ERBB4: variants seen among roughly 807,000 people sequenced by gnomAD.
The protein encoded by ERBB4 is erb-b2 receptor tyrosine kinase 4, also known as receptor tyrosine-protein kinase erbB-4.
Under a neutral mutation model 158.0 loss-of-function variants are expected in ERBB4, and 42 were observed. That is an observed-to-expected ratio of 0.27 (90% CI 0.21 to 0.34). The LOEUF is 0.34. ERBB4 is among the 10% of genes least tolerant of loss of function. The pLI is 1.00. For synonymous variants in ERBB4, 583 were observed against 558.7 expected (o/e 1.04, Z -0.61); for missense variants, 1,333 against 1,624.1 (o/e 0.82, Z 3.08).
chr2:212,056,207 G>C (rs1464379082), intron 2 of ERBB4, among the ~76,000 whole-genome samples: 2 of 152,190 alleles, frequency 1.3e-5, no homozygotes, highest in Non-Finnish European at 2.9e-5. Flanking sequence ...ATGAAATGAA[G>C]TGAGAAGAGA....
At chr2:212,267,496 T>G (rs887281303) in intron 1 of ERBB4, among the ~76,000 whole-genome samples, 4 of 151,902 alleles carry the variant, frequency 2.6e-5, no homozygotes, top group Non-Finnish European at 4.4e-5. Flanking sequence ...TTCAGGTGAC[T>G]GCTTTAGTAG....
intron 19 of ERBB4, among the ~76,000 whole-genome samples, chr2:211,563,079 T>C (rs964321693): frequency 1.3e-5 from 2 of 152,162 alleles, no homozygotes; most frequent in Non-Finnish European, 2.9e-5. Context: ...AACTGAGTTA[T>C]AATTTTGCAT....
At chr2:212,172,233 G>A (rs575220129) in intron 1 of ERBB4, among the ~76,000 whole-genome samples, 62 of 152,218 alleles carry the variant, frequency 4.1e-4, no homozygotes, top group African/African-American at 1.4e-3. Context: ...ATACCAGTCA[G>A]AATGGCCATT....
chr2:212,206,796 G>T (rs1016063171), intron 1 of ERBB4, among the ~76,000 whole-genome samples: 1 of 151,720 alleles, frequency 6.6e-6, no homozygotes, highest in Non-Finnish European at 1.5e-5. Context: ...CACCGTGTTA[G>T]CCAGGATGGT....
intron 3 of ERBB4, among the ~76,000 whole-genome samples, chr2:211,888,305 T>C (rs937864991): frequency 6.6e-6 from 1 of 151,984 alleles, no homozygotes; most frequent in Non-Finnish European, 1.5e-5. Context: ...GAAAATATGG[T>C]ACATTAGCAT....
At chr2:212,115,942 T>C (rs1450807570) in intron 2 of ERBB4, among the ~76,000 whole-genome samples, 1 of 152,182 alleles carries the variant, frequency 6.6e-6, no homozygotes, top group Non-Finnish European at 1.5e-5. Context: ...AATAAATTAA[T>C]TTTTAATTTA....
chr2:212,535,124 T>G (rs1692974021), intron 1 of ERBB4, among the ~76,000 whole-genome samples: 1 of 152,182 alleles, frequency 6.6e-6, no homozygotes, highest in Non-Finnish European at 1.5e-5. Context: ...TGGAGTCATT[T>G]CATCACAACA....
chr2:211,706,939 T>C (rs547230513), intron 9 of ERBB4, among the ~76,000 whole-genome samples: 2 of 152,302 alleles, frequency 1.3e-5, no homozygotes, highest in East Asian at 3.9e-4. Flanking sequence ...GTGTATCATG[T>C]AGGAAAACTC....
intron 25 of ERBB4, among the ~76,000 whole-genome samples, chr2:211,394,551 C>T (rs964489190): frequency 1.3e-5 from 2 of 152,110 alleles, no homozygotes; most frequent in Admixed American, 1.3e-4. Context: ...TAATTCTTTT[C>T]AGTTAGAGAG....
rs190194209 is a variant in ERBB4 at position 211,507,548 on chromosome 2, T to C, written c.2487+54355A>G. 1.7e-4 allele frequency among the ~76,000 whole-genome samples: 26 copies of C among 152,082 alleles called. 1 individual carries two copies. The East Asian group carries it at 4.1e-3, about 24-fold the overall frequency. On this transcript the variant is annotated intron_variant, in intron 20 of 27. Coordinates refer to ENST00000342788, the MANE Select transcript of ERBB4 (RefSeq NM_005235.3). ...AGCATGGTACAGGAAGAAAAACAGA[T>C]ACATAGACCAGTTAAACAGAATAGA...
intron 3 of ERBB4, among the ~76,000 whole-genome samples, chr2:211,916,728 T>C (rs968138028): frequency 3.3e-5 from 5 of 152,168 alleles, no homozygotes; most frequent in Non-Finnish European, 7.4e-5. Context: ...TGAATTTGTG[T>C]AGCCATTTTG....
chr2:212,223,373 G>T (rs2083367207), intron 1 of ERBB4, among the ~76,000 whole-genome samples: 1 of 145,474 alleles, frequency 6.9e-6, no homozygotes, highest in Non-Finnish European at 1.5e-5. Flanking sequence ...CAGCAAGATA[G>T]ATATATACCT....
intron 4 of ERBB4, among the ~76,000 whole-genome samples, chr2:211,767,356 T>C (rs1055100979): frequency 6.6e-6 from 1 of 152,162 alleles, no homozygotes; most frequent in Non-Finnish European, 1.5e-5. Flanking sequence ...ACACCAAATA[T>C]ACAATCAGGG....
chr2:212,214,275 G>A (rs573813673), intron 1 of ERBB4, among the ~76,000 whole-genome samples: 2 of 151,816 alleles, frequency 1.3e-5, no homozygotes, highest in East Asian at 3.9e-4. Context: ...GGCACCTGTG[G>A]CTCTCGCATG....
intron 1 of ERBB4, among the ~76,000 whole-genome samples, chr2:212,473,083 G>C (rs1444716114): frequency 1.3e-5 from 2 of 151,852 alleles, no homozygotes; most frequent in Non-Finnish European, 2.9e-5. Context: ...AAACCAGGTA[G>C]AGAGAAAAAA....
At chr2:211,964,021 T>C (rs549059627) in intron 2 of ERBB4, among the ~76,000 whole-genome samples, 3 of 152,146 alleles carry the variant, frequency 2.0e-5, no homozygotes, top group Non-Finnish European at 4.4e-5. Flanking sequence ...TGATGAACTC[T>C]TTAGTTATTG....
intron 3 of ERBB4, among the ~76,000 whole-genome samples, chr2:211,803,813 T>C (rs1474359533): frequency 6.6e-6 from 1 of 152,192 alleles, no homozygotes; most frequent in Admixed American, 6.5e-5. Flanking sequence ...GACTGAGATA[T>C]GCTCTCATGG....
At chr2:212,224,900 GA>G (rs1164254157) in intron 1 of ERBB4, among the ~76,000 whole-genome samples, 1 of 151,948 alleles carries the variant, frequency 6.6e-6, no homozygotes, top group Non-Finnish European at 1.5e-5. Flanking sequence ...TACATTTTAT[GA>G]AAATATAAAA....
At chr2:211,870,161 T>C (rs898388695) in intron 3 of ERBB4, among the ~76,000 whole-genome samples, 2 of 152,166 alleles carry the variant, frequency 1.3e-5, no homozygotes, top group African/African-American at 4.8e-5. Context: ...TTGTTCCATT[T>C]AGCATTCCAT....
Sources: allele counts gnomAD v4.1 joint callset (sites outside exome capture counted in the v4.1 genomes callset), GRCh38; gene constraint gnomAD v4.1.1; transcripts MANE v1.5; gene names NCBI Gene and HGNC (gene_info 2026-07-23, HGNC 2026-07-21).